FMN1: variants seen among roughly 807,000 people sequenced by gnomAD.
FMN1 encodes formin 1.
In FMN1, 110 loss-of-function variants were observed where a neutral mutation model predicts 132.4. That is an observed-to-expected ratio of 0.83 (90% CI 0.71 to 0.97). FMN1 has a LOEUF of 0.97. Ranked by LOEUF, FMN1 falls within the 50% of genes least tolerant of loss-of-function variation. The pLI is 0.00. For synonymous variants in FMN1, 722 were observed against 651.7 expected, an observed-to-expected ratio of 1.11 and a Z score of -1.64; for missense variants, 1,792 against 1,705.3, an observed-to-expected ratio of 1.05 and a Z score of -0.90.
intron 9 of FMN1, among the ~76,000 whole-genome samples, chr15:32,958,052 A>G (rs536997019): frequency 1.3e-5 from 2 of 152,298 alleles, no homozygotes; most frequent in East Asian, 3.9e-4. Flanking sequence ...TTTTAAATGG[A>G]ATTGATAAGG....
intron 3 of FMN1, among the ~76,000 whole-genome samples, chr15:33,173,852 C>G (rs1017256138): frequency 6.6e-6 from 1 of 152,132 alleles, no homozygotes; most frequent in Non-Finnish European, 1.5e-5. Flanking sequence ...TCGCTTGAAC[C>G]CAGGAGGTGG....
chr15:33,030,479 A>G (rs948819319), intron 6 of FMN1, among the ~76,000 whole-genome samples: 1 of 152,228 alleles, frequency 6.6e-6, no homozygotes, highest in Non-Finnish European at 1.5e-5. Flanking sequence ...GAGCTCTCAC[A>G]ATACAAGGAT....
chr15:32,834,182 C>T (rs1018590618), intron 17 of FMN1, among the ~76,000 whole-genome samples: 1 of 152,192 alleles, frequency 6.6e-6, no homozygotes, highest in African/African-American at 2.4e-5. Flanking sequence ...AAACTTCTGT[C>T]TGGTTCTTTG....
intron 7 of FMN1, among the ~76,000 whole-genome samples, chr15:32,972,747 G>T (rs920615673): frequency 1.3e-5 from 2 of 151,972 alleles, no homozygotes; most frequent in East Asian, 3.9e-4. Context: ...TCATATAAAT[G>T]ACACCAGGTG....
At chr15:33,078,241 T>G (rs1247537582) in intron 5 of FMN1, among the ~76,000 whole-genome samples, 1 of 152,188 alleles carries the variant, frequency 6.6e-6, no homozygotes, top group Non-Finnish European at 1.5e-5. Context: ...GTGCTAATAT[T>G]CTTAACCAAG....
At chr15:33,141,172 T>C (rs1192280774) in intron 4 of FMN1, among the ~76,000 whole-genome samples, 1 of 152,180 alleles carries the variant, frequency 6.6e-6, no homozygotes, top group Non-Finnish European at 1.5e-5. Flanking sequence ...TTTTATATTA[T>C]TTAAATATAG....
At chr15:32,920,628 C>G (rs2060798062) in intron 10 of FMN1, among the ~76,000 whole-genome samples, 1 of 152,182 alleles carries the variant, frequency 6.6e-6, no homozygotes, top group Admixed American at 6.5e-5. Context: ...TGTTTCCACT[C>G]ATCTCACACT....
At chr15:33,186,320 A>C (rs1184581259) in intron 2 of FMN1, among the ~76,000 whole-genome samples, 1 of 152,108 alleles carries the variant, frequency 6.6e-6, no homozygotes, top group Non-Finnish European at 1.5e-5. Context: ...CCTGACCACC[A>C]ATCATGTTTC....
chr15:33,073,045 C>T (rs966972099), intron 5 of FMN1, among the ~76,000 whole-genome samples: 3 of 152,124 alleles, frequency 2.0e-5, no homozygotes, highest in Non-Finnish European at 4.4e-5. Context: ...CCTTGACTTT[C>T]CTAATATTAG....
chr15:32,915,740 G>C (rs2060668758), intron 10 of FMN1, among the ~76,000 whole-genome samples: 1 of 152,216 alleles, frequency 6.6e-6, no homozygotes, highest in Non-Finnish European at 1.5e-5. Context: ...TCCACAAAGG[G>C]GAGACCCCAA....
chr15:33,019,881 G>A (rs1405318808), intron 6 of FMN1, among the ~76,000 whole-genome samples: 1 of 152,210 alleles, frequency 6.6e-6, no homozygotes, highest in Non-Finnish European at 1.5e-5. Flanking sequence ...CGCAAGCGGA[G>A]GGAGCCGGCT....
rs544590013 is a variant in FMN1 at position 33,007,195 on chromosome 15, C to T, written c.2223+819G>A. 1.1e-3 allele frequency among the ~76,000 whole-genome samples: 160 copies of T among 152,116 alleles called. 1 individual carries two copies. Among genetic ancestry groups the T allele is most frequent in the African/African-American group, 3.6e-3 (148 of 41,500 alleles). The stretch of plus-strand genomic sequence containing the variant: ...ATACCGTATATATACAATTTCTATT[C>T]GCAAACTAACAAATTTTTAGAAAAG... On this transcript the variant is annotated intron_variant, in intron 7 of 20. Transcript: ENST00000616417.
chr15:32,982,334 G>C (rs71462833), intron 7 of FMN1, among the ~76,000 whole-genome samples: 3,339 of 152,288 alleles, frequency 0.022, 60 homozygotes, highest in Non-Finnish European at 0.032. Flanking sequence ...CAGTGGTACA[G>C]TCACTTTGGA....
chr15:33,074,145 T>C (rs1382368559), intron 5 of FMN1, among the ~76,000 whole-genome samples: 1 of 152,140 alleles, frequency 6.6e-6, no homozygotes, highest in Non-Finnish European at 1.5e-5. Context: ...AGGCATCCCA[T>C]CTCCTGTTCA....
At chr15:32,806,447 T>C (rs1409767950) in intron 17 of FMN1, among the ~76,000 whole-genome samples, 5 of 152,268 alleles carry the variant, frequency 3.3e-5, no homozygotes, top group Non-Finnish European at 2.9e-5. Context: ...GTGTGCTCAA[T>C]ATAGGCCATG....
intron 17 of FMN1, among the ~76,000 whole-genome samples, chr15:32,818,391 A>G (rs947129556): frequency 6.6e-5 from 10 of 152,210 alleles, no homozygotes; most frequent in Non-Finnish European, 1.3e-4. Flanking sequence ...GCATTTCAGA[A>G]TAATTTTTTG....
chr15:32,947,268 T>C (rs1199991004), intron 9 of FMN1, among the ~76,000 whole-genome samples: 1 of 152,128 alleles, frequency 6.6e-6, no homozygotes, highest in Non-Finnish European at 1.5e-5. Context: ...CTTTTATTCA[T>C]AGTCAATTTT....
chr15:32,899,685 ATC>A (rs2060248070), intron 14 of FMN1: 2 of 419,010 alleles, frequency 4.8e-6, no homozygotes, highest in Non-Finnish European at 8.5e-6. Flanking sequence ...ACTGTATGCT[ATC>A]TGTTTTGTTC....
chr15:32,783,662 G>C (rs1159608675), intron 19 of FMN1, among the ~76,000 whole-genome samples: 1 of 144,804 alleles, frequency 6.9e-6, no homozygotes, highest in African/African-American at 2.5e-5. Flanking sequence ...AGAATGGCGT[G>C]AACCCGGGGT....
Sources: allele counts gnomAD v4.1 joint callset (sites outside exome capture counted in the v4.1 genomes callset), GRCh38; gene constraint gnomAD v4.1.1; transcripts MANE v1.5; gene names NCBI Gene and HGNC (gene_info 2026-07-23, HGNC 2026-07-21).